The following PLD1 variants were observed in gnomAD, a reference collection of about 807,000 sequenced individuals.
PLD1 encodes phospholipase D1.
A neutral mutation model predicts 137.1 loss-of-function variants in PLD1; 112 were observed. The ratio of observed to expected loss-of-function variants is 0.82; its 90% CI spans 0.70 to 0.96. PLD1 has a LOEUF of 0.96. PLD1 is among the 40% of genes least tolerant of loss of function. The pLI, the probability that PLD1 is intolerant of heterozygous loss-of-function variation, is 0.00. For missense variants in PLD1, 1,321 were observed against 1,342.0 expected (o/e 0.98, Z 0.24); for synonymous variants, 431 against 454.7 (o/e 0.95, Z 0.66).
intron 7 of PLD1, 45 bp from the exon 8 acceptor site, chr3:171,724,833 TC>T (rs1560253451): frequency 8.4e-7 from 1 of 1,191,426 alleles, no homozygotes; most frequent in Non-Finnish European, 1.2e-6. Context: ...AATTTCCCAC[TC>T]CCACTTAGCT....
At chr3:171,762,563 T>C (rs1231242890) in intron 1 of PLD1, among the ~76,000 whole-genome samples, 1 of 152,136 alleles carries the variant, frequency 6.6e-6, no homozygotes, top group Non-Finnish European at 1.5e-5. Flanking sequence ...CTGCTCAACA[T>C]CTGGGCATTG....
intron 6 of PLD1, among the ~76,000 whole-genome samples, chr3:171,727,362 T>C (rs1718600244): frequency 6.6e-6 from 1 of 152,234 alleles, no homozygotes; most frequent in African/African-American, 2.4e-5. Context: ...TCAACATTTA[T>C]CTAATTCAAA....
intron 25 of PLD1, among the ~76,000 whole-genome samples, chr3:171,609,434 A>G (rs777798746): frequency 5.3e-5 from 8 of 151,886 alleles, no homozygotes; most frequent in Non-Finnish European, 1.2e-4. Context: ...TTGTATGTTT[A>G]TCACAGCACT....
At chr3:171,793,708 G>A (rs1161469367) in intron 1 of PLD1, 1 of 152,182 alleles carries the variant, frequency 6.6e-6, no homozygotes, top group Non-Finnish European at 1.5e-5. Flanking sequence ...GAATGGAGGA[G>A]TGCAAGATTT....
At chr3:171,695,847 G>T (rs911653243) in intron 12 of PLD1, among the ~76,000 whole-genome samples, 1 of 141,696 alleles carries the variant, frequency 7.1e-6, no homozygotes, top group Non-Finnish European at 1.5e-5. Flanking sequence ...AGGATATAAA[G>T]AAATCACTTC....
chr3:171,724,790 T>C lies in PLD1; in HGVS notation c.666-2A>G. Reference sequence around the variant, plus strand: ...GATCTTTTCATTATCATACCTTCTCTGAAAGAGACAGAAAATTAACCCATC... The same window carrying C: ...GATCTTTTCATTATCATACCTTCTCCGAAAGAGACAGAAAATTAACCCATC... On this transcript the variant is annotated splice_acceptor_variant, in intron 7 of 26. Coordinates refer to ENST00000351298, the MANE Select transcript of PLD1 (RefSeq NM_002662.5). LOFTEE classifies it high-confidence loss of function. 1 of 1,584,694 alleles carries C rather than the reference T, an allele frequency of 6.3e-7. No individual in the cohort carries two copies. The highest frequency in any genetic ancestry group is 8.6e-7 in the Non-Finnish European group (1 of 1,156,144).
chr3:171,674,677 G>T, intron 18 of PLD1, 64 bp from the exon 19 acceptor site: 1 of 954,272 alleles, frequency 1.0e-6, no homozygotes, highest in Non-Finnish European at 1.6e-6. Context: ...CCTACTTTGT[G>T]ATTATAAAAG....
chr3:171,686,863 A>G (rs1379295457), intron 15 of PLD1, 65 bp from the exon 16 acceptor site: 1 of 794,636 alleles, frequency 1.3e-6, no homozygotes, highest in Non-Finnish European at 2.1e-6. Context: ...CTGGAAAGCA[A>G]AGCTGATCAT....
At chr3:171,631,002 C>G (rs1734614911) in intron 23 of PLD1, among the ~76,000 whole-genome samples, 1 of 151,138 alleles carries the variant, frequency 6.6e-6, no homozygotes, top group African/African-American at 2.4e-5. Flanking sequence ...TACCCTAAAA[C>G]TTAAAGTATA....
chr3:171,770,212 C>T (rs947758726), intron 1 of PLD1, among the ~76,000 whole-genome samples: 2 of 152,070 alleles, frequency 1.3e-5, no homozygotes, highest in Non-Finnish European at 1.5e-5. Flanking sequence ...CTTTAATCCT[C>T]GGGTAATCTC....
intron 1 of PLD1, among the ~76,000 whole-genome samples, chr3:171,740,195 A>G (rs1719676323): frequency 6.6e-6 from 1 of 152,212 alleles, no homozygotes; most frequent in Admixed American, 6.5e-5. Context: ...CAAGAGATTA[A>G]TCAGAGTAGT....
At chr3:171,632,248 G>C (rs1032226139) in intron 23 of PLD1, among the ~76,000 whole-genome samples, 1 of 152,120 alleles carries the variant, frequency 6.6e-6, no homozygotes, top group Non-Finnish European at 1.5e-5. Flanking sequence ...AAAACATCAA[G>C]ATCATGAAAG....
intron 19 of PLD1, among the ~76,000 whole-genome samples, chr3:171,665,780 T>A (rs984533198): frequency 1.7e-4 from 26 of 152,066 alleles, no homozygotes; most frequent in Non-Finnish European, 2.6e-4. Context: ...GGCTCCCTGA[T>A]ACCTGCAAAA....
intron 1 of PLD1, among the ~76,000 whole-genome samples, chr3:171,777,223 T>A (rs1336277330): frequency 6.6e-6 from 1 of 152,254 alleles, no homozygotes; most frequent in Non-Finnish European, 1.5e-5. Flanking sequence ...TGCCTTGTAA[T>A]CAGTCACCTA....
rs1160125457 is a variant in PLD1, at chr3:171,622,635, TATATA to T, written c.2594-2120_2594-2116del. On this transcript the variant is annotated intron_variant, in intron 23 of 26. Coordinates refer to ENST00000351298, the MANE Select transcript of PLD1 (RefSeq NM_002662.5). ...ATACTTTCTTAACATGCTGAAAATA[TATATA>T]ATATATGTATTATATATTTATATGC... Among the ~76,000 whole-genome samples the T allele has an allele frequency of 2.4e-4, 37 of 151,166 alleles. No individual in the cohort carries two copies. The South Asian group carries it at 2.5e-3, about 10-fold the overall frequency.
In PLD1 at chr3:171,644,953, C is replaced by T. The variant is rs142188788; in HGVS notation, c.2500G>A (p.Gly834Ser). The change falls in exon 22 of 27, where the codon GGC becomes AGC. Residue 834 changes from glycine (G) to serine (S), a missense_variant. By Grantham distance (56) the Gly-to-Ser change is moderately conservative. Transcript: ENST00000351298. Reference protein sequence around the residue: ...LPGFEGDISTGGGNALQAIMH... With the variant: ...LPGFEGDISTSGGNALQAIMH... ...ATTGCCTGTAGAGCATTTCCTCCGC[C>T]GGTTGAAATGTCTCCTTCGAACCCT... The T allele has an allele frequency of 2.8e-5, 45 of 1,613,884 alleles. No homozygotes were observed. The highest frequency in any genetic ancestry group is 2.5e-4 in the African/African-American group (19 of 75,028).
chr3:171,714,949 C>T (rs182177765), intron 8 of PLD1, among the ~76,000 whole-genome samples: 5 of 152,254 alleles, frequency 3.3e-5, no homozygotes, highest in Admixed American at 3.3e-4. Context: ...TGGGTGTAAG[C>T]TTCCTAGTTT....
intron 11 of PLD1, among the ~76,000 whole-genome samples, chr3:171,705,540 A>G (rs571617318): frequency 1.3e-5 from 2 of 152,320 alleles, no homozygotes; most frequent in South Asian, 4.1e-4. Context: ...GAAGACTAAC[A>G]CAATCTCCCT....
At chr3:171,794,204 A>G (rs894323175) in intron 1 of PLD1, among the ~76,000 whole-genome samples, 2 of 152,108 alleles carry the variant, frequency 1.3e-5, no homozygotes, top group Non-Finnish European at 1.5e-5. Context: ...AGAAAAAGAG[A>G]GATCACATTC....
Sources: allele counts gnomAD v4.1 joint callset (sites outside exome capture counted in the v4.1 genomes callset), GRCh38; gene constraint gnomAD v4.1.1; transcripts MANE v1.5; gene names NCBI Gene and HGNC (gene_info 2026-07-23, HGNC 2026-07-21).